The following PCDHA4 variants were observed in gnomAD, a reference collection of about 807,000 sequenced individuals.
PCDHA4 encodes protocadherin alpha-4.
Under a neutral mutation model 61.4 loss-of-function variants are expected in PCDHA4, and 49 were observed. That is an observed-to-expected ratio of 0.80 (90% CI 0.63 to 1.01). The LOEUF is 1.01. Ranked by LOEUF, PCDHA4 falls within the 50% of genes least tolerant of loss-of-function variation. The probability of loss-of-function intolerance (pLI) is 0.00; values close to 1 mark genes in which losing one functional copy is unlikely to be tolerated. For missense variants in PCDHA4, 1,254 were observed against 1,235.8 expected, an observed-to-expected ratio of 1.01 and a Z score of -0.22; for synonymous variants, 590 against 550.3, an observed-to-expected ratio of 1.07 and a Z score of -1.01.
At chr5:140,877,535 A>T in intron 1 of PCDHA4, 1 of 1,613,750 alleles carries the variant, frequency 6.2e-7, no homozygotes, top group Admixed American at 1.7e-5. Flanking sequence ...GGCGCTGTGG[A>T]TCCCGAAGCG....
At chr5:140,882,511 T>C (rs782672669) in intron 1 of PCDHA4, 2 of 1,614,128 alleles carry the variant, frequency 1.2e-6, no homozygotes, top group Admixed American at 3.3e-5. Flanking sequence ...ATCTGCAGAA[T>C]GGCATTTTGT....
At chr5:141,002,052 G>GGCA (rs1217531547) in intron 3 of PCDHA4, among the ~76,000 whole-genome samples, 1 of 152,206 alleles carries the variant, frequency 6.6e-6, no homozygotes, top group Non-Finnish European at 1.5e-5. Flanking sequence ...GGCATCCAGA[G>GGCA]GCAGCAGCAG....
chr5:140,816,512 T>G (rs2126672655), intron 1 of PCDHA4: 8 of 142,424 alleles, frequency 5.6e-5, no homozygotes, highest in Non-Finnish European at 1.2e-4. Context: ...TGTGTTTGTG[T>G]GTGTGTGTGT....
intron 3 of PCDHA4, among the ~76,000 whole-genome samples, chr5:141,006,916 A>G (rs111263219): frequency 0.011 from 1,648 of 152,304 alleles, 31 homozygotes; most frequent in African/African-American, 0.038. Context: ...TGGGATGCCC[A>G]TGAGATTTCC....
At chr5:140,854,461 G>A (rs1581342351) in intron 1 of PCDHA4, 1 of 149,954 alleles carries the variant, frequency 6.7e-6, no homozygotes, top group East Asian at 1.9e-4. Context: ...AGGCATTCCA[G>A]AGGAGTAGAG....
rs529221273 is a variant in PCDHA4 at position 140,807,863 on chromosome 5, G to A, written c.676G>A (p.Val226Ile). 5 of 1,614,064 alleles carry A rather than the reference G, an allele frequency of 3.1e-6. No individual in the cohort carries two copies. The highest frequency in any genetic ancestry group is 1.7e-5 in the Admixed American group (1 of 60,020). Residue 226 changes from valine (V) to isoleucine (I), a missense_variant, in exon 1 of 4, where the codon GTT becomes ATT. By Grantham distance (29) the Val-to-Ile change is conservative (BLOSUM62 3). Coordinates refer to ENST00000530339, the MANE Select transcript of PCDHA4 (RefSeq NM_018907.4). The stretch of plus-strand genomic sequence containing the variant: ...AGGCAAACCCGAGTTGACTGGCACC[G>A]TTCAGTTACTCATCACAGTACTGGA... ...DGGKPELTGT[V>I]QLLITVLDAN...
chr5:140,839,307 C>T (rs1554137377), intron 1 of PCDHA4, among the ~76,000 whole-genome samples: 1 of 151,838 alleles, frequency 6.6e-6, no homozygotes, highest in Non-Finnish European at 1.5e-5. Flanking sequence ...TTTAAATATC[C>T]TATTTATATT....
chr5:140,842,954 C>G, intron 1 of PCDHA4: 2 of 1,594,948 alleles, frequency 1.3e-6, no homozygotes. Flanking sequence ...CGTGCCGCCT[C>G]TGGGCAGCAA....
chr5:140,953,517 A>G (rs1554220954), intron 1 of PCDHA4, among the ~76,000 whole-genome samples: 1 of 152,168 alleles, frequency 6.6e-6, no homozygotes, highest in African/African-American at 2.4e-5. Flanking sequence ...CAAAGCAACA[A>G]AAACGGGAAA....
At chr5:140,943,690 CA>C (rs2093548144) in intron 1 of PCDHA4, among the ~76,000 whole-genome samples, 1 of 151,974 alleles carries the variant, frequency 6.6e-6, no homozygotes, top group Non-Finnish European at 1.5e-5. Context: ...GGGATAAGGT[CA>C]AAATATTGTG....
intron 1 of PCDHA4, among the ~76,000 whole-genome samples, chr5:140,899,245 G>A (rs2067216472): frequency 6.6e-6 from 1 of 152,128 alleles, no homozygotes; most frequent in Non-Finnish European, 1.5e-5. Context: ...GGAGTGGTGA[G>A]AGAGGGCATC....
chr5:140,892,658 A>G (rs1202553509), intron 1 of PCDHA4, among the ~76,000 whole-genome samples: 4 of 152,202 alleles, frequency 2.6e-5, no homozygotes, highest in African/African-American at 9.7e-5. Context: ...ATACAGAGTG[A>G]CATTTTGATA....
rs371069140 is a variant in PCDHA4, at chr5:141,011,291, A to G, written c.*1354A>G. ...CTCTTTGGTTTAGTTTTCCTTTTCT[A>G]TAACACTCTGAATTGCTAATCTTAC... is the stretch of plus-strand genomic sequence containing the variant. On this transcript the variant is annotated 3_prime_UTR_variant, in exon 4 of 4. Coordinates refer to ENST00000530339, the MANE Select transcript of PCDHA4 (RefSeq NM_018907.4). 6 of 153,852 alleles carry G rather than the reference A, an allele frequency of 3.9e-5. No homozygotes were observed. The highest frequency in any genetic ancestry group is 8.8e-5 in the Non-Finnish European group (6 of 68,024). 9.5% of individuals were successfully genotyped at this position (153,852 alleles called of 1,614,324 possible).
rs148906083 is a variant in PCDHA4, at chr5:140,906,715, A to C, written c.2386-72234A>C. ...CTGGGCCATTTGTAGTCCTGCCTGG[A>C]TTGTGCTGTTGTAGTTTCCCATTGA... On this transcript the variant is annotated intron_variant, in intron 1 of 3. Transcript: ENST00000530339. Among the ~76,000 whole-genome samples, 692 of 152,238 alleles carry C rather than the reference A, an allele frequency of 4.5e-3. 12 individuals carry two copies. The highest frequency in any genetic ancestry group is 0.027 in the Middle Eastern group (8 of 294).
chr5:140,820,435 C>T (rs1296857587), intron 1 of PCDHA4, among the ~76,000 whole-genome samples: 2 of 151,930 alleles, frequency 1.3e-5, no homozygotes, highest in Non-Finnish European at 2.9e-5. Context: ...AATAGAATTG[C>T]TAATCTCTTG....
chr5:140,858,158 G>T lies in PCDHA4; in HGVS notation c.2385+48586G>T, dbSNP rs781899082. The T allele has an allele frequency of 5.6e-6, 9 of 1,597,732 alleles. 3 individuals carry two copies. Among genetic ancestry groups the T allele is most frequent in the Non-Finnish European group, 7.7e-6 (9 of 1,167,532 alleles). ...CGTGTACCTGATCATCGCCATCTGC[G>T]CGGTGTCCAGCTTGCTGGTGCTCAC... On this transcript the variant is annotated intron_variant, in intron 1 of 3. Coordinates refer to ENST00000530339, the MANE Select transcript of PCDHA4 (RefSeq NM_018907.4).
In PCDHA4 at chr5:140,877,126, C is replaced by G. The variant is rs781947378; in HGVS notation, c.2385+67554C>G. 10 of 1,613,632 alleles carry G rather than the reference C, an allele frequency of 6.2e-6. No homozygotes were observed. The African/African-American group carries it at 1.3e-4, about 22-fold the overall frequency. On this transcript the variant is annotated intron_variant, in intron 1 of 3. Transcript: ENST00000530339. ...GCCTCTGGGCAGCAACGTGACGCTG[C>G]AGGTGTTCGTGCTGGACGAGAACGA... is the stretch of plus-strand genomic sequence containing the variant.
chr5:140,858,339 A>G, intron 1 of PCDHA4: 1 of 1,595,618 alleles, frequency 6.3e-7, no homozygotes, highest in African/African-American at 1.3e-5. Context: ...GGCCTGCCCA[A>G]GGCGGACCTC....
chr5:140,814,250 A>G (rs1436384389), intron 1 of PCDHA4: 1 of 152,380 alleles, frequency 6.6e-6, no homozygotes, highest in East Asian at 1.9e-4. Context: ...AAATGAAGAT[A>G]TAAACACCCA....
Sources: allele counts gnomAD v4.1 joint callset (sites outside exome capture counted in the v4.1 genomes callset), GRCh38; gene constraint gnomAD v4.1.1; transcripts MANE v1.5; gene names NCBI Gene and HGNC (gene_info 2026-07-23, HGNC 2026-07-21).